SSR2: variants seen among roughly 807,000 people sequenced by gnomAD.
The protein encoded by SSR2 is translocon-associated protein subunit beta.
Under a neutral mutation model 22.6 loss-of-function variants are expected in SSR2, and 16 were observed. The observed-to-expected ratio is 0.71, with a 90% CI of 0.48 to 1.08. SSR2 has a LOEUF of 1.08. Ranked by LOEUF, SSR2 falls within the 50% of genes least tolerant of loss-of-function variation. The pLI is 0.00. For missense variants in SSR2, 171 were observed against 221.6 expected, an observed-to-expected ratio of 0.77 and a Z score of 1.45; for synonymous variants, 83 against 91.2, an observed-to-expected ratio of 0.91 and a Z score of 0.51.
chr1:156,020,652 C>G (rs1458720307), intron 1 of SSR2: 1 of 346,420 alleles, frequency 2.9e-6, no homozygotes, highest in Non-Finnish European at 5.8e-6. Context: ...CCAGTCCAGC[C>G]CCTGAGATCC....
chr1:156,019,892 A>G (rs1378566316), intron 2 of SSR2, 121 bp downstream of exon 2: 10 of 1,091,998 alleles, frequency 9.2e-6, no homozygotes, highest in Non-Finnish European at 1.2e-5. Context: ...TTCACTCAAT[A>G]TATCTGATGC....
At chr1:156,015,807 A>G (rs1204323774) in intron 3 of SSR2, among the ~76,000 whole-genome samples, 1 of 151,398 alleles carries the variant, frequency 6.6e-6, no homozygotes. Flanking sequence ...ACTCAGTGTC[A>G]TGGTTTTTGA....
chr1:156,011,803 A>T lies in SSR2; in HGVS notation c.441+7T>A. On this transcript the variant is annotated splice_region_variant and intron_variant, in intron 5 of 5. Coordinates refer to ENST00000295702, the MANE Select transcript of SSR2 (RefSeq NM_003145.4). ...GAACTGATGAGAGAGAACACTAGAAAGCTTACAAAATGAGGGGAGAATCGC... is the reference window on the plus strand; with the variant it reads ...GAACTGATGAGAGAGAACACTAGAATGCTTACAAAATGAGGGGAGAATCGC... 1.2e-6 allele frequency: 2 copies of T among 1,612,788 alleles called. No homozygotes were observed. Among genetic ancestry groups the T allele is most frequent in the Non-Finnish European group, 1.7e-6 (2 of 1,178,908 alleles).
chr1:156,018,087 T>C, intron 3 of SSR2, 183 bp downstream of exon 3: 2 of 527,700 alleles, frequency 3.8e-6, no homozygotes, highest in East Asian at 3.3e-5. Context: ...AGTATCCTCC[T>C]TCTTCATGTC....
chr1:156,014,804 A>C (rs1683027581), intron 4 of SSR2, 157 bp downstream of exon 4: 1 of 605,568 alleles, frequency 1.7e-6, no homozygotes, highest in Non-Finnish European at 2.9e-6. Context: ...GGCCTCCAAA[A>C]ATGCTAGATT....
intron 3 of SSR2, among the ~76,000 whole-genome samples, chr1:156,017,222 T>G (rs1572258064): frequency 6.6e-6 from 1 of 152,148 alleles, no homozygotes; most frequent in South Asian, 2.1e-4. Context: ...TAAATATACT[T>G]TAATTCACAG....
intron 4 of SSR2, chr1:156,012,486 A>G (rs1364237826): frequency 2.2e-6 from 1 of 454,942 alleles, no homozygotes; most frequent in African/African-American, 2.0e-5. Context: ...ACTTTATTCC[A>G]AAGTGGCAGC....
intron 4 of SSR2, 73 bp from the exon 5 acceptor site, chr1:156,011,960 G>A: frequency 5.6e-6 from 7 of 1,260,260 alleles, no homozygotes; most frequent in African/African-American, 4.4e-5. Flanking sequence ...TCTGAGAAAG[G>A]GCAGTCCCAA....
At chr1:156,014,519 C>T (rs1683023044) in intron 4 of SSR2, 1 of 154,624 alleles carries the variant, frequency 6.5e-6, no homozygotes. Context: ...AACTATCGAA[C>T]ACTAGGTCTT....
intron 3 of SSR2, among the ~76,000 whole-genome samples, chr1:156,017,684 C>T (rs550867963): frequency 3.2e-4 from 48 of 150,126 alleles, no homozygotes; most frequent in Non-Finnish European, 4.6e-4. Flanking sequence ...TACCTTTGTC[C>T]AGCCACAAAC....
At chr1:156,015,875 G>T (rs1683047510) in intron 3 of SSR2, among the ~76,000 whole-genome samples, 1 of 152,000 alleles carries the variant, frequency 6.6e-6, no homozygotes, top group South Asian at 2.1e-4. Flanking sequence ...ACTTGGCCAG[G>T]CATGGGAGCT....
chr1:156,020,688 T>C (rs984445433), intron 1 of SSR2, 200 bp downstream of exon 1: 8 of 351,372 alleles, frequency 2.3e-5, no homozygotes, highest in Non-Finnish European at 2.9e-5. Flanking sequence ...GTCACATCCC[T>C]TTCTTGGTCC....
At chr1:156,020,823 G>A (rs1292102568) in intron 1 of SSR2, 65 bp downstream of exon 1, 1 of 453,360 alleles carries the variant, frequency 2.2e-6, no homozygotes, top group Non-Finnish European at 4.7e-6. Flanking sequence ...CCCCAGCCAC[G>A]GGGTGATGCG....
chr1:156,018,334 A>G lies in SSR2; in HGVS notation c.190T>C (p.Phe64Leu). The change falls in exon 3 of 6, where the codon TTC becomes CTC. Residue 64 changes from phenylalanine (F) to leucine (L), a missense_variant. By Grantham distance (22) the Phe-to-Leu change is conservative. Coordinates refer to ENST00000295702, the MANE Select transcript of SSR2 (RefSeq NM_003145.4). ...ACAATGCCAAAGTCTTCTGGAGGGAAGGAATCATCAGATAGTTCCACGTCT... is the reference window on the plus strand; with the variant it reads ...ACAATGCCAAAGTCTTCTGGAGGGAGGGAATCATCAGATAGTTCCACGTCT... ...ALDVELSDDS[F>L]PPEDFGIVSG... The G allele has an allele frequency of 6.2e-7, 1 of 1,614,018 alleles. No homozygotes were observed. Among genetic ancestry groups the G allele is most frequent in the Non-Finnish European group, 8.5e-7 (1 of 1,179,888 alleles).
chr1:156,020,430 G>A (rs1048810697), intron 1 of SSR2: 10 of 401,376 alleles, frequency 2.5e-5, no homozygotes, highest in Admixed American at 7.4e-5. Context: ...CCACCGGCTG[G>A]TGGAGTCTTC....
At chr1:156,019,768 A>G (rs973765630) in intron 2 of SSR2, among the ~76,000 whole-genome samples, 1 of 152,146 alleles carries the variant, frequency 6.6e-6, no homozygotes, top group African/African-American at 2.4e-5. Context: ...TTTTTCCACA[A>G]TTCTTGCCAC....
chr1:156,009,690 T>G (rs749526491), intron 5 of SSR2, 40 bp from the exon 6 acceptor site: 9 of 1,443,132 alleles, frequency 6.2e-6, no homozygotes, highest in Non-Finnish European at 8.6e-6. Flanking sequence ...AAGTCTGGAT[T>G]AGGGCACAGG....
chr1:156,020,076 T>A lies in SSR2; in HGVS notation c.92A>T (p.Asn31Ile). ...ARLLASKSLL[N>I]RYAVEGRDLT... ...GTCTCGTCCCTCCACGGCGTATCTG[T>A]TCAGCAGTGATTTGGAAGCCAAAAG... is the stretch of plus-strand genomic sequence containing the variant. Residue 31 changes from asparagine (N) to isoleucine (I), a missense_variant, in exon 2 of 6, where the codon AAC becomes ATC. Asn to Ile is a moderately radical substitution (Grantham distance 149). Coordinates refer to ENST00000295702, the MANE Select transcript of SSR2 (RefSeq NM_003145.4). The A allele has an allele frequency of 6.2e-7, 1 of 1,614,190 alleles. No individual in the cohort carries two copies. Among genetic ancestry groups the A allele is most frequent in the Non-Finnish European group, 8.5e-7 (1 of 1,180,028 alleles).
At chr1:156,019,525 C>T (rs769409188) in intron 2 of SSR2, among the ~76,000 whole-genome samples, 31 of 152,120 alleles carry the variant, frequency 2.0e-4, no homozygotes, top group Non-Finnish European at 4.3e-4. Context: ...GCTGGGACTA[C>T]AGGCGTCCGC....
Sources: allele counts gnomAD v4.1 joint callset (sites outside exome capture counted in the v4.1 genomes callset), GRCh38; gene constraint gnomAD v4.1.1; transcripts MANE v1.5; gene names NCBI Gene and HGNC (gene_info 2026-07-23, HGNC 2026-07-21).